The following ACSBG2 variants were observed in gnomAD, a reference collection of about 807,000 sequenced individuals.
ACSBG2 encodes the protein acyl-CoA synthetase bubblegum family member 2, also known as long-chain-fatty-acid--CoA ligase ACSBG2.
In ACSBG2, 62 loss-of-function variants were observed where a neutral mutation model predicts 74.7. That is an observed-to-expected ratio of 0.83 (90% CI 0.68 to 1.03). The LOEUF is 1.03. ACSBG2 is among the 50% of genes least tolerant of loss of function. The pLI, the probability that ACSBG2 is intolerant of heterozygous loss-of-function variation, is 0.00. For synonymous variants in ACSBG2, 309 were observed against 294.1 expected, an observed-to-expected ratio of 1.05 and a Z score of -0.52; for missense variants, 730 against 817.6, an observed-to-expected ratio of 0.89 and a Z score of 1.31.
chr19:6,171,193 G>A (rs1344856536), intron 7 of ACSBG2, among the ~76,000 whole-genome samples: 1 of 151,976 alleles, frequency 6.6e-6, no homozygotes, highest in Admixed American at 6.6e-5. Flanking sequence ...GTCACTCTAT[G>A]TCTTTTAAGT....
intron 11 of ACSBG2, 63 bp downstream of exon 11, chr19:6,185,716 C>T: frequency 6.4e-7 from 1 of 1,560,698 alleles, no homozygotes. Context: ...CATTTAAGGG[C>T]CCAGGGTACC....
At chr19:6,152,301 T>TTTTTGTA in intron 4 of ACSBG2, among the ~76,000 whole-genome samples, 64 of 71,330 alleles carry the variant, frequency 9.0e-4, no homozygotes, top group African/African-American at 2.5e-3. Flanking sequence ...TTTTTTTTTT[T>TTTTTGTA]GAGACGGAGT....
intron 4 of ACSBG2, 68 bp from the exon 5 acceptor site, chr19:6,156,363 G>T: frequency 6.7e-7 from 1 of 1,482,116 alleles, no homozygotes; most frequent in South Asian, 1.4e-5. Context: ...CCTCTCTTTT[G>T]ACCTTCCAGA....
chr19:6,140,745 T>C (rs182675072), intron 1 of ACSBG2, among the ~76,000 whole-genome samples: 2 of 152,210 alleles, frequency 1.3e-5, no homozygotes, highest in Admixed American at 1.3e-4. Context: ...TTTACCACGA[T>C]GAATGAGAGC....
chr19:6,154,393 C>T (rs907334221), intron 4 of ACSBG2, among the ~76,000 whole-genome samples: 8 of 65,314 alleles, frequency 1.2e-4, no homozygotes, highest in Admixed American at 5.9e-4. Context: ...AGCAAAACTC[C>T]GTCTCAAAAA....
chr19:6,187,704 G>A lies in ACSBG2; in HGVS notation c.1786G>A (p.Val596Met), dbSNP rs1443173509. Reference protein sequence around the residue: ...GSQASTVTEIVKQQDPLVYKA... With the variant: ...GSQASTVTEIMKQQDPLVYKA... ...CCAGGCATCCACCGTGACTGAGATT[G>A]TGAAGCAGCAAGACCCCCTGGTCTA... Residue 596 changes from valine (V) to methionine (M), a missense_variant, in exon 13 of 15, where the codon GTG becomes ATG. Val to Met is a conservative substitution (Grantham distance 21, BLOSUM62 1). Coordinates refer to ENST00000588485, the MANE Select transcript of ACSBG2 (RefSeq NM_030924.5). The A allele has an allele frequency of 6.2e-7, 1 of 1,614,188 alleles. No homozygotes were observed. Among genetic ancestry groups the A allele is most frequent in the Non-Finnish European group, 8.5e-7 (1 of 1,180,034 alleles).
At chr19:6,176,498 A>G in intron 7 of ACSBG2, 1 of 846,920 alleles carries the variant, frequency 1.2e-6, no homozygotes, top group Non-Finnish European at 1.7e-6. Flanking sequence ...AAAAAACAAC[A>G]CACACACACA....
intron 7 of ACSBG2, among the ~76,000 whole-genome samples, chr19:6,169,059 G>A (rs528147570): frequency 2.7e-4 from 41 of 152,304 alleles, no homozygotes; most frequent in Admixed American, 5.9e-4. Context: ...AATTACAGGC[G>A]TGAGCCATGG....
At chr19:6,142,780 C>T (rs923402135) in intron 2 of ACSBG2, among the ~76,000 whole-genome samples, 2 of 148,502 alleles carry the variant, frequency 1.3e-5, no homozygotes, top group African/African-American at 5.0e-5. Context: ...AGTGAAAGTA[C>T]TGAGGTTTAT....
intron 1 of ACSBG2, among the ~76,000 whole-genome samples, chr19:6,136,216 T>C (rs7507786): frequency 0.094 from 14,171 of 150,924 alleles, 2,196 homozygotes; most frequent in African/African-American, 0.33. Context: ...CTCAGCCTCC[T>C]GAGTAGCTGG....
At chr19:6,175,033 G>A (rs1568244212) in intron 7 of ACSBG2, among the ~76,000 whole-genome samples, 1 of 152,182 alleles carries the variant, frequency 6.6e-6, no homozygotes, top group Non-Finnish European at 1.5e-5. Context: ...AGATCACAGA[G>A]CAAGGGAAGC....
chr19:6,141,616 T>C lies in ACSBG2; in HGVS notation c.67+6T>C. 6.4e-7 allele frequency: 1 copy of C among 1,566,842 alleles called. No homozygotes were observed. Among genetic ancestry groups the C allele is most frequent in the Non-Finnish European group, 8.8e-7 (1 of 1,136,954 alleles). On this transcript the variant is annotated splice_donor_region_variant and intron_variant, in intron 2 of 14. Coordinates refer to ENST00000588485, the MANE Select transcript of ACSBG2 (RefSeq NM_030924.5). Reference sequence around the variant, plus strand: ...AGACATGAATAAAACAGAAGGTATATTGCACTAAAGAGTACGTGGGAGAGA... The same window carrying C: ...AGACATGAATAAAACAGAAGGTATACTGCACTAAAGAGTACGTGGGAGAGA...
In ACSBG2 at chr19:6,153,639, C is replaced by T. The variant is rs552244681; in HGVS notation, c.386+1844C>T. 5.9e-5 allele frequency among the ~76,000 whole-genome samples: 9 copies of T among 152,142 alleles called. No individual in the cohort carries two copies. The South Asian group carries it at 1.9e-3, about 32-fold the overall frequency. Reference sequence around the variant, plus strand: ...CTGCCTTAGCCCAAGAGTTCAAGACCAGCCTGGACAACATCGCAAGATTCT... The same window carrying T: ...CTGCCTTAGCCCAAGAGTTCAAGACTAGCCTGGACAACATCGCAAGATTCT... On this transcript the variant is annotated intron_variant, in intron 4 of 14. Coordinates refer to ENST00000588485, the MANE Select transcript of ACSBG2 (RefSeq NM_030924.5).
chr19:6,145,517 C>T (rs776662716), intron 2 of ACSBG2, among the ~76,000 whole-genome samples: 1 of 152,032 alleles, frequency 6.6e-6, no homozygotes, highest in Non-Finnish European at 1.5e-5. Flanking sequence ...TTGCCATCTA[C>T]CACCTCCCCA....
At position 6,182,758 on chromosome 19, in the gene ACSBG2, T is replaced by C. The variant is rs988211332; in HGVS notation, c.914T>C (p.Leu305Ser). The C allele has an allele frequency of 6.2e-7, 1 of 1,614,042 alleles. No individual in the cohort carries two copies. Among genetic ancestry groups the C allele is most frequent in the Non-Finnish European group, 8.5e-7 (1 of 1,179,962 alleles). The change falls in exon 9 of 15, where the codon TTG becomes TCG. Residue 305 changes from leucine to serine, a missense_variant. Leu to Ser is a moderately radical substitution (Grantham distance 145). Transcript: ENST00000588485. ...FAQADALKGT[L>S]VSTLKEVKPT... ...TAGCTTCGTTCCATACAGGGCACCT[T>C]GGTAAGTACTCTAAAGGAGGTAAAA... is the stretch of plus-strand genomic sequence containing the variant.
chr19:6,176,099 T>C, intron 7 of ACSBG2: 1 of 358,982 alleles, frequency 2.8e-6, no homozygotes, highest in Non-Finnish European at 4.9e-6. Flanking sequence ...CCTCCTAACT[T>C]CAGGCAAGTT....
intron 2 of ACSBG2, among the ~76,000 whole-genome samples, chr19:6,144,270 T>C (rs905988989): frequency 2.0e-5 from 3 of 152,208 alleles, no homozygotes; most frequent in Non-Finnish European, 4.4e-5. Context: ...AGTGCTGGAA[T>C]TACAGGCACA....
chr19:6,170,148 C>T (rs1483441983), intron 7 of ACSBG2, among the ~76,000 whole-genome samples: 3 of 152,080 alleles, frequency 2.0e-5, no homozygotes, highest in Non-Finnish European at 4.4e-5. Context: ...AGTGGATATC[C>T]TTGTCTTGTT....
At chr19:6,143,425 T>A (rs770453372) in intron 2 of ACSBG2, among the ~76,000 whole-genome samples, 1 of 151,604 alleles carries the variant, frequency 6.6e-6, no homozygotes, top group Non-Finnish European at 1.5e-5. Flanking sequence ...CAAACACCAG[T>A]CATTGGATTT....
Sources: gnomAD v4.1 joint callset for allele counts (sites outside exome capture counted in the v4.1 genomes callset) on GRCh38, gnomAD v4.1.1 for gene constraint, MANE v1.5 for transcripts, NCBI Gene and HGNC (gene_info 2026-07-23, HGNC 2026-07-21) for gene names.